The following ARFGEF3 variants were observed in gnomAD, a reference collection of about 807,000 sequenced individuals.
The protein encoded by ARFGEF3 is brefeldin A-inhibited guanine nucleotide-exchange protein 3.
A neutral mutation model predicts 221.7 loss-of-function variants in ARFGEF3; 96 were observed. That is an observed-to-expected ratio of 0.43 (90% CI 0.37 to 0.51). The LOEUF (loss-of-function observed/expected upper bound fraction) is 0.51, where lower values mean the gene tolerates loss of function less well. ARFGEF3 is among the 20% of genes least tolerant of loss of function. The pLI is 0.00. For missense variants in ARFGEF3, 2,410 were observed against 2,789.9 expected (o/e 0.86, Z 3.07); for synonymous variants, 1,145 against 1,126.8 (o/e 1.02, Z -0.32).
At chr6:138,251,727 A>G (rs1434845403) in intron 8 of ARFGEF3, among the ~76,000 whole-genome samples, 1 of 151,846 alleles carries the variant, frequency 6.6e-6, no homozygotes, top group Non-Finnish European at 1.5e-5. Flanking sequence ...CCTCTGCTTC[A>G]CCATGCCACA....
rs111914596 is a variant in ARFGEF3 at position 138,336,428 on chromosome 6, G to A, written c.6476G>A (p.Arg2159His). 2.5e-6 allele frequency: 4 copies of A among 1,613,062 alleles called. No homozygotes were observed. The highest frequency in any genetic ancestry group is 1.1e-5 in the South Asian group (1 of 90,856). ...LTCHVTDIRV[R>H]QAVREWLGRV... is the part of the protein sequence containing the mutation. ...TGTCACGTGACCGACATCAGAGTTC[G>A]CCAGGCTGTGAGGGAGTGGCTGGGC... The change falls in exon 34 of 34, where the codon CGC becomes CAC. Residue 2159 changes from arginine to histidine, a missense_variant. By Grantham distance (29) the Arg-to-His change is conservative. This residue lies in a region of ARFGEF3 where 339 missense variants were observed against 334.9 expected (regional missense o/e 1.01). Transcript: ENST00000251691.
At chr6:138,169,083 T>A (rs142208691) in intron 1 of ARFGEF3, among the ~76,000 whole-genome samples, 1 of 152,320 alleles carries the variant, frequency 6.6e-6, no homozygotes, top group East Asian at 1.9e-4. Flanking sequence ...GTCTTCTTTC[T>A]AAAGATGAGG....
intron 21 of ARFGEF3, among the ~76,000 whole-genome samples, chr6:138,298,258 C>A (rs1177536906): frequency 6.6e-6 from 1 of 152,132 alleles, no homozygotes; most frequent in Non-Finnish European, 1.5e-5. Context: ...TGGGGCACAG[C>A]TCAGATGAAA....
chr6:138,261,351 C>G (rs1384784660), intron 10 of ARFGEF3, among the ~76,000 whole-genome samples, 176 bp from the exon 11 acceptor site: 1 of 152,222 alleles, frequency 6.6e-6, no homozygotes, highest in Non-Finnish European at 1.5e-5. Flanking sequence ...CACCATATGT[C>G]AAGAAGAAAA....
At chr6:138,297,568 T>G (rs1006537597) in intron 21 of ARFGEF3, among the ~76,000 whole-genome samples, 11 of 152,244 alleles carry the variant, frequency 7.2e-5, no homozygotes, top group African/African-American at 2.7e-4. Flanking sequence ...ATAGCCCTTT[T>G]GCTTTTATCT....
At chr6:138,301,076 T>C (rs1188843932) in intron 22 of ARFGEF3, among the ~76,000 whole-genome samples, 2 of 152,210 alleles carry the variant, frequency 1.3e-5, no homozygotes, top group Non-Finnish European at 2.9e-5. Flanking sequence ...ATCAGAGTTA[T>C]CAGAGACAGA....
At chr6:138,251,785 A>G (rs572458554) in intron 8 of ARFGEF3, among the ~76,000 whole-genome samples, 62 of 152,158 alleles carry the variant, frequency 4.1e-4, no homozygotes, top group African/African-American at 1.4e-3. Context: ...TGTCCTGTGG[A>G]CATTCTTTCT....
intron 2 of ARFGEF3, among the ~76,000 whole-genome samples, chr6:138,171,323 T>C (rs1776825999): frequency 1.3e-5 from 2 of 148,648 alleles, no homozygotes; most frequent in South Asian, 4.1e-4. Flanking sequence ...AAGTCCATGG[T>C]AAAAGGATCA....
chr6:138,307,316 C>G lies in ARFGEF3; in HGVS notation c.3892C>G (p.Pro1298Ala). ...CACGCAGATCCAGTCGGGATGGAGA[C>G]CCTTGTTCAGTGCCCTGGAAACAGT... Reference protein sequence around the residue: ...CSTQIQSGWRPLFSALETVHG... With the variant: ...CSTQIQSGWRALFSALETVHG... The change falls in exon 23 of 34, where the codon CCC becomes GCC. Residue 1298 changes from proline to alanine, a missense_variant. Coordinates refer to ENST00000251691, the MANE Select transcript of ARFGEF3 (RefSeq NM_020340.5). 1 of 1,614,008 alleles carries G rather than the reference C, an allele frequency of 6.2e-7. No homozygotes were observed. The highest frequency in any genetic ancestry group is 1.1e-5 in the South Asian group (1 of 91,070).
chr6:138,225,077 T>C (rs755153332), intron 4 of ARFGEF3, among the ~76,000 whole-genome samples: 3 of 152,176 alleles, frequency 2.0e-5, no homozygotes, highest in African/African-American at 7.2e-5. Context: ...TCTCCCTGCA[T>C]CTTTTTTCCA....
intron 24 of ARFGEF3, among the ~76,000 whole-genome samples, chr6:138,310,226 C>T (rs773082229): frequency 1.3e-5 from 2 of 152,156 alleles, no homozygotes; most frequent in Non-Finnish European, 1.5e-5. Flanking sequence ...AATTTTGGGA[C>T]GCCTGCTGTA....
chr6:138,333,258 C>T (rs1780258339), intron 32 of ARFGEF3, among the ~76,000 whole-genome samples: 1 of 152,306 alleles, frequency 6.6e-6, no homozygotes, highest in African/African-American at 2.4e-5. Context: ...GAAAATTCCA[C>T]ATCTGACCTC....
At chr6:138,298,539 A>G (rs1779564140) in intron 21 of ARFGEF3, 67 bp from the exon 22 acceptor site, 1 of 1,323,288 alleles carries the variant, frequency 7.6e-7, no homozygotes, top group Admixed American at 2.1e-5. Context: ...GGGGTAGGAA[A>G]GCCTTCAGAA....
chr6:138,208,636 G>A (rs759996067), intron 3 of ARFGEF3, among the ~76,000 whole-genome samples: 9 of 152,152 alleles, frequency 5.9e-5, no homozygotes, highest in Admixed American at 2.0e-4. Context: ...CAGCATGGAG[G>A]AAAATAGCTT....
chr6:138,278,429 G>T, intron 12 of ARFGEF3, 22 bp from the exon 13 acceptor site: 1 of 1,611,118 alleles, frequency 6.2e-7, no homozygotes, highest in Non-Finnish European at 8.5e-7. Flanking sequence ...ACCCCCAAAA[G>T]TCCCTTCATT....
At position 138,291,773 on chromosome 6, in the gene ARFGEF3, A is replaced by G. The variant is rs981231465; in HGVS notation, c.3088A>G (p.Ser1030Gly). The G allele has an allele frequency of 2.7e-6, 4 of 1,457,334 alleles. No individual in the cohort carries two copies. The highest frequency in any genetic ancestry group is 2.6e-5 in the East Asian group (1 of 38,184). The allele number at this position is 1,457,334 out of a possible 1,614,324, so 90.3% of individuals were successfully genotyped here. The change falls in exon 19 of 34, where the codon AGC (serine) becomes GGC (glycine). Residue 1030 changes from serine (S) to glycine (G), a missense_variant. By Grantham distance (56) the Ser-to-Gly change is moderately conservative. Coordinates refer to ENST00000251691, the MANE Select transcript of ARFGEF3 (RefSeq NM_020340.5). This position sits in a 1 kb window ranked among gnomAD's most constrained non-coding sequence, Gnocchi z 4.5. Reference sequence around the variant, plus strand: ...GGGCACCCTGGAGCACAACCACTTCAGCGATGGTGCCTCGCAGCCCCCTCT... The same window carrying G: ...GGGCACCCTGGAGCACAACCACTTCGGCGATGGTGCCTCGCAGCCCCCTCT... ...YVGTLEHNHF[S>G]DGASQPPLTI...
intron 2 of ARFGEF3, among the ~76,000 whole-genome samples, chr6:138,205,742 A>G (rs1290667954): frequency 6.6e-6 from 1 of 152,242 alleles, no homozygotes; most frequent in South Asian, 2.1e-4. Flanking sequence ...TAACTGTCAT[A>G]TAAAAATGGA....
rs773221314 is a variant in ARFGEF3 at position 138,218,087 on chromosome 6, T to A, written c.351+8046T>A. On this transcript the variant is annotated intron_variant, in intron 4 of 33. Coordinates refer to ENST00000251691, the MANE Select transcript of ARFGEF3 (RefSeq NM_020340.5). ...GCAAAGTCAATGTGAATAATATGGC[T>A]TCTGAAGATAATGAGGAACATTTCA... is the stretch of plus-strand genomic sequence containing the variant. 6.2e-6 allele frequency: 10 copies of A among 1,613,982 alleles called. No individual in the cohort carries two copies. The highest frequency in any genetic ancestry group is 8.5e-6 in the Non-Finnish European group (10 of 1,179,852).
intron 2 of ARFGEF3, among the ~76,000 whole-genome samples, chr6:138,179,689 C>T (rs1042086976): frequency 2.0e-5 from 3 of 152,194 alleles, no homozygotes; most frequent in African/African-American, 4.8e-5. Context: ...TAACAGCTTC[C>T]CATTTCTCAT....
Sources: allele counts gnomAD v4.1 joint callset (sites outside exome capture counted in the v4.1 genomes callset), GRCh38; gene constraint gnomAD v4.1.1; regional missense constraint gnomAD v4.1.1; non-coding constraint Gnocchi (gnomAD v3.1); transcripts MANE v1.5; gene names NCBI Gene and HGNC (gene_info 2026-07-23, HGNC 2026-07-21).